Variants in NRG1 observed in about 807,000 individuals in gnomAD.
NRG1 encodes pro-neuregulin-1, membrane-bound isoform.
A neutral mutation model predicts 63.8 loss-of-function variants in NRG1; 18 were observed. The observed-to-expected ratio is 0.28, with a 90% CI of 0.19 to 0.42. The LOEUF (loss-of-function observed/expected upper bound fraction) is 0.42, where lower values mean the gene tolerates loss of function less well. Among genes scored for constraint, NRG1 ranks in the 10% least tolerant of loss-of-function variants. The pLI is 1.00. For missense variants in NRG1, 762 were observed against 814.7 expected, an observed-to-expected ratio of 0.94 and a Z score of 0.79; for synonymous variants, 302 against 301.3, an observed-to-expected ratio of 1.00 and a Z score of -0.02.
chr8:32,524,365 T>G (rs1830610302), intron 1 of NRG1, among the ~76,000 whole-genome samples: 1 of 152,208 alleles, frequency 6.6e-6, no homozygotes, highest in South Asian at 2.1e-4. Context: ...CTTGATATTC[T>G]TTCCTTCTAC....
intron 5 of NRG1, among the ~76,000 whole-genome samples, chr8:32,619,258 CTG>C (rs1353063845): frequency 6.6e-6 from 1 of 152,042 alleles, no homozygotes; most frequent in Non-Finnish European, 1.5e-5. Context: ...TCTGGGGAAA[CTG>C]TATTTAGGCA....
chr8:31,751,879 T>C (rs1816510477), intron 1 of NRG1, among the ~76,000 whole-genome samples: 1 of 152,032 alleles, frequency 6.6e-6, no homozygotes. Context: ...TTTATGGAGA[T>C]ACGGAATGCT....
At chr8:32,764,610 C>A (rs1043381057) in exon 12 of NRG1, 2 of 447,790 alleles carry the variant, frequency 4.5e-6, no homozygotes, top group Non-Finnish European at 7.7e-6. Context: ...AGAAAGATAT[C>A]AATGGTGCCT....
At chr8:32,662,301 A>G (rs1246408206) in intron 5 of NRG1, among the ~76,000 whole-genome samples, 3 of 152,228 alleles carry the variant, frequency 2.0e-5, no homozygotes, top group Non-Finnish European at 4.4e-5. Context: ...ACTCTGGGAA[A>G]AGGCCTTACT....
intron 1 of NRG1, among the ~76,000 whole-genome samples, chr8:31,836,428 C>T (rs34566719): frequency 3.3e-5 from 5 of 152,138 alleles, no homozygotes; most frequent in African/African-American, 1.2e-4. Context: ...TGTTATTTAG[C>T]CATTGATTCC....
At chr8:31,687,514 C>T (rs1365845580) in intron 1 of NRG1, among the ~76,000 whole-genome samples, 1 of 152,198 alleles carries the variant, frequency 6.6e-6, no homozygotes, top group African/African-American at 2.4e-5. Context: ...GACTGATCAG[C>T]TGAAATCATC....
At chr8:32,772,762 T>C (rs1831893854), downstream of NRG1, among the ~76,000 whole-genome samples, 1 of 152,118 alleles carries the variant, frequency 6.6e-6, no homozygotes, top group Admixed American at 6.5e-5. Flanking sequence ...GCTCCTCAGA[T>C]AACACAGACA....
At chr8:31,717,729 C>CT (rs372995395) in intron 1 of NRG1, among the ~76,000 whole-genome samples, 2,171 of 151,040 alleles carry the variant, frequency 0.014, 41 homozygotes, top group African/African-American at 0.048. Flanking sequence ...TCAGCGATGC[C>CT]TTTTTTTTTG....
intron 1 of NRG1, among the ~76,000 whole-genome samples, chr8:31,767,970 C>A (rs979449376): frequency 1.3e-5 from 2 of 151,756 alleles, no homozygotes; most frequent in Non-Finnish European, 2.9e-5. Context: ...ATTCCTTAAT[C>A]TTATAACAAT....
intron 1 of NRG1, among the ~76,000 whole-genome samples, chr8:31,809,785 G>T (rs1283779029): frequency 3.7e-5 from 2 of 54,352 alleles, no homozygotes; most frequent in East Asian, 5.5e-4. Flanking sequence ...TGTGTTGTTT[G>T]CATTGGAGTA....
chr8:31,988,902 C>T (rs139860096), intron 1 of NRG1, among the ~76,000 whole-genome samples: 171 of 152,142 alleles, frequency 1.1e-3, no homozygotes, highest in Middle Eastern at 6.8e-3. Context: ...ATTCATTCTA[C>T]AATAACTTGA....
chr8:31,777,438 C>T (rs905714757), intron 1 of NRG1, among the ~76,000 whole-genome samples: 2 of 152,180 alleles, frequency 1.3e-5, no homozygotes, highest in African/African-American at 2.4e-5. Context: ...GTTGGGCATG[C>T]GTGGGGCAGA....
chr8:32,522,908 T>G (rs1042915969), intron 1 of NRG1, among the ~76,000 whole-genome samples: 1 of 151,398 alleles, frequency 6.6e-6, no homozygotes, highest in African/African-American at 2.4e-5. Context: ...TGGGCTCAGG[T>G]GATCCTCCCA....
intron 1 of NRG1, among the ~76,000 whole-genome samples, chr8:32,261,161 G>C (rs994351585): frequency 2.0e-5 from 3 of 152,164 alleles, no homozygotes; most frequent in Admixed American, 2.0e-4. Flanking sequence ...ACTTACATAA[G>C]TGTGGCACAG....
At chr8:32,373,127 G>A (rs1809143441) in intron 1 of NRG1, among the ~76,000 whole-genome samples, 1 of 152,150 alleles carries the variant, frequency 6.6e-6, no homozygotes, top group African/African-American at 2.4e-5. Context: ...CAAGGGAAAG[G>A]GGAGAAGGGC....
At chr8:32,556,911 A>G (rs1835279738) in intron 1 of NRG1, among the ~76,000 whole-genome samples, 1 of 152,230 alleles carries the variant, frequency 6.6e-6, no homozygotes. Flanking sequence ...ATTTGCAGTG[A>G]TATTTTTGTC....
At chr8:32,053,213 T>C (rs1230703375) in intron 1 of NRG1, among the ~76,000 whole-genome samples, 7 of 152,126 alleles carry the variant, frequency 4.6e-5, no homozygotes, top group African/African-American at 1.7e-4. Context: ...CTGTGGCCGC[T>C]AAGTCTCCAT....
intron 1 of NRG1, among the ~76,000 whole-genome samples, chr8:31,853,308 C>T (rs1234657731): frequency 1.3e-5 from 2 of 151,280 alleles, no homozygotes; most frequent in African/African-American, 2.4e-5. Context: ...TTGTAGTTCT[C>T]CTTGAATAGG....
At chr8:32,320,347 A>G (rs1474189898) in intron 1 of NRG1, among the ~76,000 whole-genome samples, 4 of 152,136 alleles carry the variant, frequency 2.6e-5, no homozygotes, top group Non-Finnish European at 4.4e-5. Context: ...ATTTTTGTTT[A>G]GAAGTTAGCC....
Sources: gnomAD v4.1 joint callset for allele counts (sites outside exome capture counted in the v4.1 genomes callset) on GRCh38, gnomAD v4.1.1 for gene constraint, MANE v1.5 for transcripts, NCBI Gene and HGNC (gene_info 2026-07-23, HGNC 2026-07-21) for gene names.